Variants in SHANK2 observed in about 807,000 individuals in gnomAD.
SHANK2 encodes SH3 and multiple ankyrin repeat domains 2, also known as SH3 and multiple ankyrin repeat domains protein 2.
A neutral mutation model predicts 133.7 loss-of-function variants in SHANK2; 43 were observed. That is an observed-to-expected ratio of 0.32 (90% CI 0.25 to 0.41). The LOEUF is 0.41. Ranked by LOEUF, SHANK2 falls within the 10% of genes least tolerant of loss-of-function variation. SHANK2 has a pLI of 1.00. For synonymous variants in SHANK2, 1,017 were observed against 952.8 expected (o/e 1.07, Z -1.24); for missense variants, 1,994 against 2,235.8 (o/e 0.89, Z 2.18).
At chr11:70,797,829 T>TACA (rs1947947165) in intron 14 of SHANK2, among the ~76,000 whole-genome samples, 13 of 64,750 alleles carry the variant, frequency 2.0e-4, no homozygotes, top group African/African-American at 1.2e-3. Flanking sequence ...TCCTCCACTC[T>TACA]CATACACACA....
Position 70,699,502 on chromosome 11 carries a change from G to A in SHANK2, c.1778-739C>T, listed in dbSNP as rs569100528. On this transcript the variant is annotated intron_variant, in intron 14 of 25. Coordinates refer to ENST00000601538, the MANE Select transcript of SHANK2 (RefSeq NM_012309.5). The stretch of plus-strand genomic sequence containing the variant: ...ATTTCCTGCATGATCTCCTACCTAA[G>A]CCCTGCAAAACATCCAAAGAAATTA... 6.2e-4 allele frequency among the ~76,000 whole-genome samples: 94 copies of A among 152,192 alleles called. No individual in the cohort carries two copies. The South Asian group carries it at 8.3e-3, about 13-fold the overall frequency.
intron 11 of SHANK2, among the ~76,000 whole-genome samples, chr11:70,835,138 A>C (rs1437011494): frequency 6.6e-6 from 1 of 152,184 alleles, no homozygotes; most frequent in Non-Finnish European, 1.5e-5. Flanking sequence ...AGCCTTGGCC[A>C]CAGGCTCCCT....
intron 17 of SHANK2, among the ~76,000 whole-genome samples, chr11:70,519,946 C>T (rs1254476189): frequency 2.7e-5 from 4 of 149,324 alleles, no homozygotes; most frequent in African/African-American, 9.9e-5. Context: ...CAAGGTCTCA[C>T]CATGTTGCCC....
chr11:70,779,845 T>C (rs1947444074), intron 14 of SHANK2, among the ~76,000 whole-genome samples: 1 of 152,150 alleles, frequency 6.6e-6, no homozygotes, highest in African/African-American at 2.4e-5. Context: ...CCATCTTCCC[T>C]ACACCCCTGA....
Position 70,485,357 on chromosome 11 carries a change from G to T in SHANK2, c.4936C>A (p.Leu1646Met). The T allele has an allele frequency of 2.5e-6, 4 of 1,613,922 alleles. No homozygotes were observed. The highest frequency in any genetic ancestry group is 3.4e-6 in the Non-Finnish European group (4 of 1,179,990). Reference sequence around the variant, plus strand: ...GACTTGGCTCCCATTGGTGAATCCAGTCCTTCCCCCGGCTTTGCCAATTTC... The same window carrying T: ...GACTTGGCTCCCATTGGTGAATCCATTCCTTCCCCCGGCTTTGCCAATTTC... ...REKLAKPGEG[L>M]DSPMGAKSAS... The change falls in exon 25 of 26, where the codon CTG becomes ATG. Residue 1646 changes from leucine (L) to methionine (M), a missense_variant. Physicochemically the swap from Leu to Met is conservative, Grantham distance 15. Transcript: ENST00000601538. The surrounding 1 kb of genome is among the most constrained non-coding windows in gnomAD (Gnocchi z 5.8).
chr11:70,848,190 C>T (rs1016933542), intron 11 of SHANK2, among the ~76,000 whole-genome samples: 3 of 152,192 alleles, frequency 2.0e-5, no homozygotes, highest in East Asian at 1.9e-4. Context: ...TCACTGCTGC[C>T]TAAAAAAGAA....
intron 6 of SHANK2, among the ~76,000 whole-genome samples, chr11:71,108,086 G>A (rs1473376771): frequency 6.6e-6 from 1 of 152,204 alleles, no homozygotes; most frequent in African/African-American, 2.4e-5. Context: ...ATCCGGGTCA[G>A]CAGCTCAGAA....
chr11:70,768,492 G>A (rs1190561583), intron 14 of SHANK2, among the ~76,000 whole-genome samples: 1 of 152,180 alleles, frequency 6.6e-6, no homozygotes, highest in African/African-American at 2.4e-5. Context: ...GTGGGGAGGT[G>A]GCCTGGCCCT....
At chr11:70,558,348 T>A (rs1477449264) in intron 17 of SHANK2, among the ~76,000 whole-genome samples, 2 of 152,206 alleles carry the variant, frequency 1.3e-5, no homozygotes, top group African/African-American at 4.8e-5. Flanking sequence ...AGCAGCCGGC[T>A]TCCCCCTGCG....
In SHANK2 at chr11:70,772,313, G is replaced by A. The variant is rs7114826; in HGVS notation, c.1777+26130C>T. Among the ~76,000 whole-genome samples the A allele has an allele frequency of 7.0e-3, 1,066 of 151,800 alleles. 12 individuals are homozygous for A. Among genetic ancestry groups the A allele is most frequent in the African/African-American group, 0.024 (1,001 of 41,366 alleles). ...AAATTAGCTGGGGGTGGTGGCGCGC[G>A]CCTGTAATCCTAGCTACTCGGGAGG... On this transcript the variant is annotated intron_variant, in intron 14 of 25. Coordinates refer to ENST00000601538, the MANE Select transcript of SHANK2 (RefSeq NM_012309.5).
At chr11:70,483,482 TGAGCCCAGGAGTTC>T (rs1159499978) in intron 25 of SHANK2, among the ~76,000 whole-genome samples, 2 of 149,286 alleles carry the variant, frequency 1.3e-5, no homozygotes, top group Non-Finnish European at 3.0e-5. Context: ...GTGGTTCGTT[TGAGCCCAGGAGTTC>T]GAGACCAGCC....
At chr11:70,929,523 C>CCTG (rs1950473991) in intron 10 of SHANK2, among the ~76,000 whole-genome samples, 1 of 152,152 alleles carries the variant, frequency 6.6e-6, no homozygotes, top group Non-Finnish European at 1.5e-5. Flanking sequence ...GTTCTAGAGG[C>CCTG]CATCTGCATT....
chr11:70,882,565 G>C lies in SHANK2; in HGVS notation c.1174+13936C>G, dbSNP rs1415443736. On this transcript the variant is annotated intron_variant, in intron 11 of 25. Transcript: ENST00000601538. The surrounding 1 kb of genome is among the most constrained non-coding windows in gnomAD (Gnocchi z 4.2). The stretch of plus-strand genomic sequence containing the variant: ...TTGTCATTAATAGGTCACAGAACAG[G>C]AGCAGGGGCCAGCTGGGCTAGTCTG... 1.3e-5 allele frequency among the ~76,000 whole-genome samples: 2 copies of C among 152,196 alleles called. No individual in the cohort carries two copies. Among genetic ancestry groups the C allele is most frequent in the African/African-American group, 4.8e-5 (2 of 41,444 alleles).
intron 15 of SHANK2, among the ~76,000 whole-genome samples, chr11:70,673,284 A>T (rs1488283946): frequency 6.9e-6 from 1 of 145,108 alleles, no homozygotes; most frequent in Non-Finnish European, 1.5e-5. Context: ...TCTGAACTGA[A>T]TGTTCTTTAA....
chr11:70,799,579 T>C (rs963588), intron 13 of SHANK2, among the ~76,000 whole-genome samples: 7,752 of 152,310 alleles, frequency 0.051, 681 homozygotes, highest in African/African-American at 0.18. Flanking sequence ...TGCTGGCTTA[T>C]TAATCAGGAA....
chr11:70,800,167 C>T (rs917485243), intron 13 of SHANK2, among the ~76,000 whole-genome samples: 2 of 152,092 alleles, frequency 1.3e-5, no homozygotes, highest in Non-Finnish European at 2.9e-5. Context: ...GGATGACAGG[C>T]GTGTACCACG....
At chr11:70,655,405 G>A (rs909924919) in intron 17 of SHANK2, among the ~76,000 whole-genome samples, 1 of 152,112 alleles carries the variant, frequency 6.6e-6, no homozygotes, top group Non-Finnish European at 1.5e-5. Context: ...CCAGCTACAT[G>A]GCCATGTAGT....
At chr11:71,215,738 A>C (rs1954398370) in intron 2 of SHANK2, among the ~76,000 whole-genome samples, 1 of 152,166 alleles carries the variant, frequency 6.6e-6, no homozygotes, top group African/African-American at 2.4e-5. Context: ...TCAGGAGCTC[A>C]AACCTCTGCA....
At chr11:70,742,261 C>A (rs1303546544) in intron 14 of SHANK2, among the ~76,000 whole-genome samples, 1 of 152,292 alleles carries the variant, frequency 6.6e-6, no homozygotes, top group South Asian at 2.1e-4. Flanking sequence ...ATCTCCTACT[C>A]ATCCTTCAAA....
Sources: gnomAD v4.1 joint callset for allele counts (sites outside exome capture counted in the v4.1 genomes callset) on GRCh38, gnomAD v4.1.1 for gene constraint, Gnocchi (gnomAD v3.1) non-coding constraint, MANE v1.5 for transcripts, NCBI Gene and HGNC (gene_info 2026-07-23, HGNC 2026-07-21) for gene names.